The following PHLDB2 variants were observed in gnomAD, a reference collection of about 807,000 sequenced individuals.
PHLDB2 encodes pleckstrin homology like domain family B member 2, also known as pleckstrin homology-like domain family B member 2.
Under a neutral mutation model 123.6 loss-of-function variants are expected in PHLDB2, and 71 were observed. That is an observed-to-expected ratio of 0.57 (90% CI 0.47 to 0.70). PHLDB2 has a LOEUF of 0.70. Among genes scored for constraint, PHLDB2 ranks in the 30% least tolerant of loss-of-function variants. The pLI is 0.00. For synonymous variants in PHLDB2, 547 were observed against 541.6 expected (o/e 1.01, Z -0.14); for missense variants, 1,446 against 1,519.5 (o/e 0.95, Z 0.80).
chr3:111,793,184 T>C (rs1261263444), intron 1 of PHLDB2, among the ~76,000 whole-genome samples: 1 of 152,158 alleles, frequency 6.6e-6, no homozygotes, highest in Admixed American at 6.5e-5. Context: ...GGGCCCAGGA[T>C]CAGGAACTTT....
At chr3:111,832,739 AATATATATAATAGAATTATACATATAAT>A (rs2063128391) in intron 1 of PHLDB2, among the ~76,000 whole-genome samples, 15 of 41,210 alleles carry the variant, frequency 3.6e-4, no homozygotes, top group South Asian at 1.5e-3. Flanking sequence ...TTATACATAT[AATATATATAATAGAATTATACATATAAT>A]ATATATAATA....
At chr3:111,918,971 G>A (rs1294008658) in intron 3 of PHLDB2, 101 bp from the exon 4 acceptor site, 2 of 1,241,644 alleles carry the variant, frequency 1.6e-6, no homozygotes, top group Non-Finnish European at 2.3e-6. Flanking sequence ...ACATGGGCAT[G>A]GAGACTGTGA....
intron 16 of PHLDB2, 146 bp from the exon 17 acceptor site, chr3:111,973,586 C>T: frequency 2.2e-6 from 1 of 459,654 alleles, no homozygotes; most frequent in Non-Finnish European, 3.9e-6. Context: ...TAGAAGGGGC[C>T]TCATGCACTA....
chr3:111,733,200 A>AT (rs1385912220), intron 1 of PHLDB2, among the ~76,000 whole-genome samples: 1 of 152,090 alleles, frequency 6.6e-6, no homozygotes, highest in African/African-American at 2.4e-5. Context: ...AGTCACGTAT[A>AT]TTTTTCTGCT....
At chr3:111,752,219 A>AGTGTGTGTGTGTGTGT (rs57931243) in intron 1 of PHLDB2, among the ~76,000 whole-genome samples, 166 of 146,972 alleles carry the variant, frequency 1.1e-3, no homozygotes, top group African/African-American at 4.1e-3. Flanking sequence ...GAAGTTTCTA[A>AGTGTGTGTGTGTGTGT]GTGTGTGTGT....
chr3:111,812,750 A>G (rs183329315), intron 1 of PHLDB2, among the ~76,000 whole-genome samples: 9 of 152,332 alleles, frequency 5.9e-5, no homozygotes, highest in Non-Finnish European at 1.2e-4. Context: ...CTGCAGAGAA[A>G]GTTAATGAAT....
chr3:111,824,998 C>T (rs1347582724), intron 1 of PHLDB2, among the ~76,000 whole-genome samples: 3 of 152,102 alleles, frequency 2.0e-5, no homozygotes, highest in Admixed American at 6.5e-5. Context: ...CATCTGCTCA[C>T]GTAAATAACT....
chr3:111,775,409 T>C (rs2060251404), intron 1 of PHLDB2, among the ~76,000 whole-genome samples: 1 of 152,102 alleles, frequency 6.6e-6, no homozygotes, highest in Non-Finnish European at 1.5e-5. Context: ...TTAGAAAAAC[T>C]GGTTAGTCAA....
chr3:111,829,405 T>TAAAAAAAAAAAAA (rs71131979), intron 1 of PHLDB2, among the ~76,000 whole-genome samples: 1 of 136,438 alleles, frequency 7.3e-6, no homozygotes. Flanking sequence ...TTCTTTTGTT[T>TAAAAAAAAAAAAA]AAAAAAAAAA....
intron 1 of PHLDB2, among the ~76,000 whole-genome samples, chr3:111,749,100 G>C (rs987824142): frequency 9.1e-6 from 1 of 110,210 alleles, no homozygotes; most frequent in African/African-American, 4.2e-5. Flanking sequence ...ACAAGAGAAG[G>C]CTAAAAAAAA....
At chr3:111,967,194 AG>A (rs1452568517) in intron 14 of PHLDB2, among the ~76,000 whole-genome samples, 2 of 152,174 alleles carry the variant, frequency 1.3e-5, no homozygotes, top group Non-Finnish European at 2.9e-5. Flanking sequence ...CCTGCCCTGA[AG>A]GGCACCTCCT....
At chr3:111,754,670 A>G (rs1006770876) in intron 1 of PHLDB2, among the ~76,000 whole-genome samples, 5 of 146,370 alleles carry the variant, frequency 3.4e-5, no homozygotes, top group African/African-American at 1.0e-4. Context: ...TGCCCTGGCC[A>G]GAACTTCTAA....
intron 1 of PHLDB2, among the ~76,000 whole-genome samples, chr3:111,861,467 C>T (rs1049112211): frequency 6.6e-6 from 1 of 152,212 alleles, no homozygotes; most frequent in African/African-American, 2.4e-5. Flanking sequence ...ATGTAGCCTT[C>T]ATCTCTTGAG....
At chr3:111,865,925 C>T (rs974203998) in intron 1 of PHLDB2, among the ~76,000 whole-genome samples, 7 of 150,804 alleles carry the variant, frequency 4.6e-5, no homozygotes, top group Non-Finnish European at 1.0e-4. Flanking sequence ...ACTCATTCTG[C>T]ACAATCAGCT....
intron 1 of PHLDB2, among the ~76,000 whole-genome samples, chr3:111,764,577 T>C (rs149041561): frequency 6.6e-6 from 1 of 152,264 alleles, no homozygotes; most frequent in African/African-American, 2.4e-5. Flanking sequence ...TAAAGGGAAC[T>C]ATGATAAAAA....
intron 2 of PHLDB2, among the ~76,000 whole-genome samples, chr3:111,892,105 A>T (rs1346956819): frequency 6.6e-6 from 1 of 152,216 alleles, no homozygotes; most frequent in East Asian, 1.9e-4. Flanking sequence ...ACATGTTGTA[A>T]TGTGATACCA....
At chr3:111,792,263 A>G (rs530628113) in intron 1 of PHLDB2, among the ~76,000 whole-genome samples, 33 of 152,224 alleles carry the variant, frequency 2.2e-4, no homozygotes, top group Non-Finnish European at 3.8e-4. Flanking sequence ...TTTCTGAAAG[A>G]ATCATTTTAT....
intron 1 of PHLDB2, among the ~76,000 whole-genome samples, chr3:111,834,192 G>GTAATAGAATTATATATA (rs2063251427): frequency 3.2e-5 from 3 of 93,768 alleles, no homozygotes; most frequent in African/African-American, 9.2e-5. Flanking sequence ...TATTATATAT[G>GTAATAGAATTATATATA]TAATAGAATT....
At chr3:111,882,633 A>G (rs1324930699) in intron 1 of PHLDB2, among the ~76,000 whole-genome samples, 2 of 152,140 alleles carry the variant, frequency 1.3e-5, no homozygotes, top group Non-Finnish European at 2.9e-5. Flanking sequence ...GTTAGAGGAG[A>G]AGGAGCCCAA....
Sources: gnomAD v4.1 joint callset for allele counts (sites outside exome capture counted in the v4.1 genomes callset) on GRCh38, gnomAD v4.1.1 for gene constraint, MANE v1.5 for transcripts, NCBI Gene and HGNC (gene_info 2026-07-23, HGNC 2026-07-21) for gene names.